The following PCP4 variants were observed in gnomAD, a reference collection of about 807,000 sequenced individuals.
PCP4 encodes calmodulin regulator protein PCP4.
Under a neutral mutation model 10.0 loss-of-function variants are expected in PCP4, and 8 were observed. That is an observed-to-expected ratio of 0.80 (90% CI 0.47 to 1.45). PCP4 has a LOEUF of 1.45. PCP4 is among the 40% of genes most tolerant of loss of function. PCP4 has a pLI of 0.00. For synonymous variants in PCP4, 21 were observed against 23.0 expected (o/e 0.91, Z 0.24); for missense variants, 54 against 74.4 (o/e 0.73, Z 1.01).
At chr21:39,885,915 T>C (rs778402760) in intron 1 of PCP4, among the ~76,000 whole-genome samples, 17 of 152,258 alleles carry the variant, frequency 1.1e-4, no homozygotes, top group Non-Finnish European at 2.2e-4. Context: ...TTTACAATCC[T>C]GGTGTCTGCC....
At chr21:39,890,072 C>T (rs760892339) in intron 1 of PCP4, among the ~76,000 whole-genome samples, 5 of 152,118 alleles carry the variant, frequency 3.3e-5, no homozygotes, top group Non-Finnish European at 7.4e-5. Flanking sequence ...AGGGTGGAAG[C>T]GAGGCCTTCC....
At chr21:39,893,397 G>T (rs1443021213) in intron 1 of PCP4, among the ~76,000 whole-genome samples, 1 of 152,212 alleles carries the variant, frequency 6.6e-6, no homozygotes, top group East Asian at 1.9e-4. Context: ...ATACCCATTT[G>T]TTATTTAGAT....
chr21:39,916,343 C>A (rs2087568218), intron 2 of PCP4, among the ~76,000 whole-genome samples: 1 of 152,192 alleles, frequency 6.6e-6, no homozygotes, highest in Admixed American at 6.5e-5. Flanking sequence ...TATAATATTT[C>A]TCTCCTCCCC....
chr21:39,876,533 C>T (rs529593161), intron 1 of PCP4, among the ~76,000 whole-genome samples: 5 of 152,254 alleles, frequency 3.3e-5, no homozygotes, highest in African/African-American at 1.2e-4. Flanking sequence ...CTTAATGGAA[C>T]ATAAGGAACT....
chr21:39,907,950 T>G (rs568549297), intron 2 of PCP4, among the ~76,000 whole-genome samples: 1 of 152,300 alleles, frequency 6.6e-6, no homozygotes, highest in East Asian at 1.9e-4. Context: ...CTTTTTCCAG[T>G]TGTTGCCAAT....
At chr21:39,919,311 A>G (rs1568861611) in intron 2 of PCP4, among the ~76,000 whole-genome samples, 2 of 152,254 alleles carry the variant, frequency 1.3e-5, no homozygotes, top group East Asian at 1.9e-4. Flanking sequence ...ACAGATGTTA[A>G]TTCTTCCAAA....
chr21:39,898,972 G>A (rs1457032318), intron 2 of PCP4, among the ~76,000 whole-genome samples: 1 of 152,306 alleles, frequency 6.6e-6, no homozygotes, highest in East Asian at 1.9e-4. Flanking sequence ...ACTGGAAGGT[G>A]CTGAGTCAGT....
chr21:39,896,088 G>A lies in PCP4; in HGVS notation c.10-2388G>A, dbSNP rs8130100. ...TCTTAGAAATCCCGAAAAAATGACT[G>A]CTTTTCTCCCCTGTGCACATTTCAT... On this transcript the variant is annotated intron_variant, in intron 1 of 2. Transcript: ENST00000328619. 2.7e-3 allele frequency among the ~76,000 whole-genome samples: 405 copies of A among 152,010 alleles called. 1 individual carries two copies. Among genetic ancestry groups the A allele is most frequent in the African/African-American group, 9.5e-3 (395 of 41,462 alleles).
chr21:39,896,859 A>G (rs2087459147), intron 1 of PCP4, among the ~76,000 whole-genome samples: 1 of 152,194 alleles, frequency 6.6e-6, no homozygotes, highest in African/African-American at 2.4e-5. Flanking sequence ...TTTTTAGGCT[A>G]AAGACCTGGA....
intron 1 of PCP4, among the ~76,000 whole-genome samples, chr21:39,870,129 G>A (rs1428823486): frequency 6.6e-6 from 1 of 152,232 alleles, no homozygotes; most frequent in African/African-American, 2.4e-5. Context: ...AGGGAAAGGT[G>A]GAGTGGCAAA....
intron 1 of PCP4, among the ~76,000 whole-genome samples, chr21:39,875,649 T>G (rs988247253): frequency 8.5e-5 from 13 of 152,218 alleles, no homozygotes; most frequent in Admixed American, 7.2e-4. Flanking sequence ...CATATCAATG[T>G]TTTGGGAACT....
intron 2 of PCP4, among the ~76,000 whole-genome samples, chr21:39,928,668 G>C (rs1305018351): frequency 6.6e-6 from 1 of 152,180 alleles, no homozygotes; most frequent in Non-Finnish European, 1.5e-5. Flanking sequence ...GATAGCAGGA[G>C]AAAGTAACAG....
intron 2 of PCP4, among the ~76,000 whole-genome samples, chr21:39,921,663 A>T (rs1308594763): frequency 6.6e-6 from 1 of 152,172 alleles, no homozygotes; most frequent in East Asian, 1.9e-4. Context: ...GGTTAAAGAG[A>T]TGGTTAATTG....
At chr21:39,920,444 A>C (rs2087591810) in intron 2 of PCP4, among the ~76,000 whole-genome samples, 1 of 147,618 alleles carries the variant, frequency 6.8e-6, no homozygotes, top group Non-Finnish European at 1.5e-5. Flanking sequence ...ATGGGAGTGG[A>C]TGTGTCGGTC....
At chr21:39,920,045 G>GGT (rs150016354) in intron 2 of PCP4, among the ~76,000 whole-genome samples, 1 of 141,824 alleles carries the variant, frequency 7.1e-6, no homozygotes, top group Non-Finnish European at 1.5e-5. Context: ...ATGTATGTGT[G>GGT]GTGTGTGTGT....
chr21:39,874,903 G>A (rs568318352), intron 1 of PCP4, among the ~76,000 whole-genome samples: 3 of 152,262 alleles, frequency 2.0e-5, no homozygotes, highest in African/African-American at 2.4e-5. Context: ...AAGTGGCTAC[G>A]GGCAGGTAGT....
At position 39,889,583 on chromosome 21, in the gene PCP4, A is replaced by G. The variant is rs551758059; in HGVS notation, c.10-8893A>G. Among the ~76,000 whole-genome samples the G allele has an allele frequency of 1.2e-3, 182 of 149,062 alleles. 2 individuals are homozygous for G. Among genetic ancestry groups the G allele is most frequent in the African/African-American group, 4.3e-3 (174 of 40,830 alleles). On this transcript the variant is annotated intron_variant, in intron 1 of 2. Transcript: ENST00000328619. Reference sequence around the variant, plus strand: ...AGGCACCCACCACCACGCCTGGCTAATTTTTTGTATTTTTAGTAGAGATGG... The same window carrying G: ...AGGCACCCACCACCACGCCTGGCTAGTTTTTTGTATTTTTAGTAGAGATGG...
intron 2 of PCP4, among the ~76,000 whole-genome samples, chr21:39,910,919 C>T (rs2087536756): frequency 1.3e-5 from 2 of 152,202 alleles, no homozygotes; most frequent in South Asian, 2.1e-4. Flanking sequence ...CTATGCTTTA[C>T]TCATTTGTTC....
At chr21:39,873,583 G>T (rs1054635618) in intron 1 of PCP4, among the ~76,000 whole-genome samples, 9 of 152,116 alleles carry the variant, frequency 5.9e-5, no homozygotes, top group Admixed American at 5.9e-4. Context: ...TCTGATAGGA[G>T]CTCTGCTTTC....
Sources: gnomAD v4.1 joint callset for allele counts (sites outside exome capture counted in the v4.1 genomes callset) on GRCh38, gnomAD v4.1.1 for gene constraint, MANE v1.5 for transcripts, NCBI Gene and HGNC (gene_info 2026-07-23, HGNC 2026-07-21) for gene names.